WFS1: variants seen among roughly 807,000 people sequenced by gnomAD.
The protein encoded by WFS1 is wolframin ER transmembrane glycoprotein.
A neutral mutation model predicts 68.5 loss-of-function variants in WFS1; 90 were observed. The observed-to-expected ratio is 1.31, with a 90% CI of 1.11 to 1.56. The LOEUF (loss-of-function observed/expected upper bound fraction) is 1.56, where lower values mean the gene tolerates loss of function less well. Ranked by LOEUF, WFS1 falls within the 40% of genes most tolerant of loss-of-function variation. The pLI is 0.00. For synonymous variants in WFS1, 860 were observed against 540.7 expected, an observed-to-expected ratio of 1.59 and a Z score of -8.19; for missense variants, 1,767 against 1,232.6, an observed-to-expected ratio of 1.43 and a Z score of -6.49.
chr4:6,272,159 GTGTT>G (rs1410972366), intron 1 of WFS1, among the ~76,000 whole-genome samples: 1 of 152,212 alleles, frequency 6.6e-6, no homozygotes, highest in African/African-American at 2.4e-5. Flanking sequence ...GTCTGTTTAG[GTGTT>G]AACCCTTCCC....
In WFS1 at chr4:6,300,872, C is replaced by G; in HGVS notation, c.1077C>G (p.Ile359Met). 6.2e-7 allele frequency: 1 copy of G among 1,614,152 alleles called. No homozygotes were observed. The highest frequency in any genetic ancestry group is 8.5e-7 in the Non-Finnish European group (1 of 1,180,024). ...ACCTGTCCTTCATCTCCATGGTGAT[C>G]TGCACCCTCAAGGTGTTCCAGGACA... ...IFYLSFISMV[I>M]CTLKVFQDSK... is the part of the protein sequence containing the mutation. Residue 359 changes from isoleucine (I) to methionine (M), a missense_variant, in exon 8 of 8, where the codon ATC (isoleucine) becomes ATG (methionine). Coordinates refer to ENST00000226760, the MANE Select transcript of WFS1 (RefSeq NM_006005.3).
Position 6,295,171 on chromosome 4 carries a change from C to T in WFS1, c.843C>T (p.Asp281=), listed in dbSNP as rs756319219. The change falls in exon 7 of 8, where the codon GAC becomes GAT. Residue 281 remains aspartate (D), a synonymous_variant. Transcript: ENST00000226760. ...AGCTGGCGGGGAAGAGCCCTGAGGA[C>T]CTGCCACTGCGTCTGAAGGTGAGTG... ...DDELAGKSPE[D]LPLRLKVVKY... 1 of 1,611,950 alleles carries T rather than the reference C, an allele frequency of 6.2e-7. No individual in the cohort carries two copies. The highest frequency in any genetic ancestry group is 1.7e-5 in the Admixed American group (1 of 60,032).
intron 2 of WFS1, among the ~76,000 whole-genome samples, chr4:6,280,157 C>A (rs1730118542): frequency 6.6e-6 from 1 of 152,214 alleles, no homozygotes; most frequent in African/African-American, 2.4e-5. Context: ...GGGCGGGACT[C>A]CTCATGGCAG....
At chr4:6,292,113 C>T (rs1730483050) in intron 6 of WFS1, 116 bp downstream of exon 6, 1 of 1,061,616 alleles carries the variant, frequency 9.4e-7, no homozygotes, top group Non-Finnish European at 1.4e-6. Context: ...TGCCTCCCAG[C>T]CTGCGCCTGC....
intron 1 of WFS1, among the ~76,000 whole-genome samples, chr4:6,273,641 G>A (rs1729900899): frequency 6.6e-6 from 1 of 152,238 alleles, no homozygotes; most frequent in Non-Finnish European, 1.5e-5. Flanking sequence ...ATAAGCTGCA[G>A]CCCTGCCCTC....
rs7691824 is a variant in WFS1 at position 6,295,290 on chromosome 4, G to A, written c.861+101G>A. 8,326 of 1,449,676 alleles carry A rather than the reference G, an allele frequency of 5.7e-3. 249 individuals carry two copies. Among genetic ancestry groups the A allele is most frequent in the African/African-American group, 0.056 (4,003 of 72,060 alleles). The allele number at this position is 1,449,676 out of a possible 1,614,324, so 89.8% of individuals were successfully genotyped here. ...GGAAGCTGCAGGTGGGGAGGTTCGC[G>A]CCTAACAAAGAGTGTCTTACAGCCG... On this transcript the variant is annotated intron_variant, in intron 7 of 7. Transcript: ENST00000226760.
At chr4:6,278,682 C>T (rs78467194) in intron 2 of WFS1, among the ~76,000 whole-genome samples, 9,250 of 152,300 alleles carry the variant, frequency 0.061, 361 homozygotes, top group Middle Eastern at 0.12. Flanking sequence ...CTGCTGTGGT[C>T]GCAGCGCGCT....
intron 6 of WFS1, among the ~76,000 whole-genome samples, chr4:6,293,583 G>A (rs1158263150): frequency 6.6e-6 from 1 of 152,174 alleles, no homozygotes; most frequent in Non-Finnish European, 1.5e-5. Flanking sequence ...TCAGCAGCGT[G>A]GGCAGAGATG....
intron 4 of WFS1, among the ~76,000 whole-genome samples, chr4:6,290,613 C>T (rs1460134936): frequency 6.6e-6 from 1 of 152,226 alleles, no homozygotes; most frequent in Non-Finnish European, 1.5e-5. Flanking sequence ...CCGTGCCAGT[C>T]CTCCTGCCCT....
At position 6,301,539 on chromosome 4, in the gene WFS1, G is replaced by T. The variant is rs377677092; in HGVS notation, c.1744G>T (p.Val582Leu). ...ILVAGLALVG[V>L]LQFARWFTSL... ...GGTGGCCGGCCTGGCCCTGGTGGGC[G>T]TGCTGCAGTTCGCCCGGTGGTTCAC... is the stretch of plus-strand genomic sequence containing the variant. The change falls in exon 8 of 8, where the codon GTG (valine) becomes TTG (leucine). Residue 582 changes from valine (V) to leucine (L), a missense_variant. Physicochemically the swap from Val to Leu is conservative, Grantham distance 32. Transcript: ENST00000226760. The T allele has an allele frequency of 5.0e-6, 8 of 1,613,898 alleles. No homozygotes were observed. In the African/African-American group the frequency reaches 1.1e-4, roughly 22 times the overall value.
At chr4:6,277,378 T>A in intron 1 of WFS1, 73 bp from the exon 2 acceptor site, 1 of 1,423,418 alleles carries the variant, frequency 7.0e-7, no homozygotes, top group Non-Finnish European at 9.7e-7. Flanking sequence ...TGCTTTTCTG[T>A]CTCCAGCAGA....
At chr4:6,275,948 C>T (rs868804573) in intron 1 of WFS1, among the ~76,000 whole-genome samples, 6 of 152,276 alleles carry the variant, frequency 3.9e-5, no homozygotes, top group African/African-American at 1.2e-4. Context: ...ACAGTTGCCC[C>T]GTCCCCATTT....
Position 6,300,683 on chromosome 4 carries a change from C to T in WFS1, c.888C>T (p.Ile296=). The T allele has an allele frequency of 6.2e-7, 1 of 1,614,038 alleles. No individual in the cohort carries two copies. The highest frequency in any genetic ancestry group is 1.3e-5 in the African/African-American group (1 of 75,008). ...TGGTCAAGTACCCCCTGCACGCCAT[C>T]ATGGAGATCAAGGAGTACCTGATTG... ...LKVVKYPLHA[I]MEIKEYLIDM... Residue 296 remains isoleucine, a synonymous_variant, in exon 8 of 8, where the codon ATC becomes ATT. Coordinates refer to ENST00000226760, the MANE Select transcript of WFS1 (RefSeq NM_006005.3).
intron 1 of WFS1, among the ~76,000 whole-genome samples, chr4:6,271,272 C>T (rs1258916783): frequency 1.3e-5 from 2 of 152,208 alleles, no homozygotes; most frequent in African/African-American, 4.8e-5. Context: ...TTTTCCCTAC[C>T]TGCTGGTTTG....
chr4:6,302,513 C>T lies in WFS1; in HGVS notation c.*45C>T, dbSNP rs1484138146. 6.2e-7 allele frequency: 1 copy of T among 1,609,296 alleles called. No individual in the cohort carries two copies. Among genetic ancestry groups the T allele is most frequent in the South Asian group, 1.1e-5 (1 of 90,980 alleles). ...GCTTCCAGTGCATGTTGCCATGAGG[C>T]CTTTCCCCAGTGTGGCCCCAGCCCG... is the stretch of plus-strand genomic sequence containing the variant. On this transcript the variant is annotated 3_prime_UTR_variant, in exon 8 of 8. Transcript: ENST00000226760.
intron 1 of WFS1, among the ~76,000 whole-genome samples, chr4:6,270,360 C>T (rs966673534): frequency 7.2e-5 from 11 of 151,738 alleles, no homozygotes; most frequent in South Asian, 2.1e-4. Flanking sequence ...CGCGCCATCC[C>T]CCCCGAGTTG....
intron 3 of WFS1, among the ~76,000 whole-genome samples, chr4:6,288,310 G>C (rs4342257): frequency 0.62 from 94,048 of 151,912 alleles, 29,803 homozygotes; most frequent in East Asian, 0.94. Context: ...ATTTGGAGGC[G>C]GGGGGAGCAT....
rs529419595 is a variant in WFS1 at position 6,291,087 on chromosome 4, C to G, written c.461-110C>G. The G allele has an allele frequency of 1.7e-4, 218 of 1,271,226 alleles. 1 individual carries two copies. Among genetic ancestry groups the G allele is most frequent in the Non-Finnish European group, 2.2e-4 (194 of 893,220 alleles). The allele number at this position is 1,271,226 out of a possible 1,614,324, so 78.7% of individuals were successfully genotyped here. A position where few individuals can be genotyped will look rare whatever the true frequency, so the allele number is the denominator to read the frequency against. On this transcript the variant is annotated intron_variant, in intron 4 of 7. Coordinates refer to ENST00000226760, the MANE Select transcript of WFS1 (RefSeq NM_006005.3). ...CTTCCCTGGTAACCAAGTCCTGACA[C>G]CTTCTATGAGTCTCGCTCGAAAGCC...
rs55973732 is a variant in WFS1, at chr4:6,302,453, C to G, written c.2658C>G (p.Phe886Leu). ...CCTTCGACTTCTTTTTCTTCCCATT[C>G]CTGTCGGCGGCCTGAGGATGGTCCG... ...KFAFDFFFFP[F>L]LSAA The change falls in exon 8 of 8, where the codon TTC (phenylalanine) becomes TTG (leucine). Residue 886 changes from phenylalanine (F) to leucine (L), a missense_variant. Phe to Leu is a conservative substitution (Grantham distance 22). Coordinates refer to ENST00000226760, the MANE Select transcript of WFS1 (RefSeq NM_006005.3). 6.2e-7 allele frequency: 1 copy of G among 1,612,962 alleles called. No homozygotes were observed. Among genetic ancestry groups the G allele is most frequent in the Middle Eastern group, 1.6e-4 (1 of 6,062 alleles).
Sources: gnomAD v4.1 joint callset for allele counts (sites outside exome capture counted in the v4.1 genomes callset) on GRCh38, gnomAD v4.1.1 for gene constraint, MANE v1.5 for transcripts, NCBI Gene and HGNC (gene_info 2026-07-23, HGNC 2026-07-21) for gene names.